The following AP1M2 variants were observed in gnomAD, a reference collection of about 807,000 sequenced individuals.
The protein encoded by AP1M2 is AP-1 complex subunit mu-2.
A neutral mutation model predicts 54.6 loss-of-function variants in AP1M2; 41 were observed. The ratio of observed to expected loss-of-function variants is 0.75; its 90% CI spans 0.59 to 0.97. AP1M2 has a LOEUF of 0.97. AP1M2 is among the 50% of genes least tolerant of loss of function. The pLI, the probability that AP1M2 is intolerant of heterozygous loss-of-function variation, is 0.00. For synonymous variants in AP1M2, 219 were observed against 215.9 expected (o/e 1.01, Z -0.13); for missense variants, 507 against 561.2 (o/e 0.90, Z 0.98).
chr19:10,575,214 C>T (rs146912354), intron 9 of AP1M2, among the ~76,000 whole-genome samples, 185 bp from the exon 10 acceptor site: 252 of 152,058 alleles, frequency 1.7e-3, no homozygotes, highest in Admixed American at 2.9e-3. Flanking sequence ...TAGCTGGGTG[C>T]GGTGGAACAT....
intron 9 of AP1M2, among the ~76,000 whole-genome samples, chr19:10,576,654 C>CTCCCAAAG (rs1463261714): frequency 6.6e-6 from 1 of 151,738 alleles, no homozygotes; most frequent in Non-Finnish European, 1.5e-5. Context: ...CCGCTTCAGC[C>CTCCCAAAG]TCCCAAAGTG....
At chr19:10,573,354 G>C (rs181654340) in intron 11 of AP1M2, among the ~76,000 whole-genome samples, 63 of 152,134 alleles carry the variant, frequency 4.1e-4, no homozygotes, top group Admixed American at 2.3e-3. Context: ...AGGAGGTGGA[G>C]GTTGCAGTGA....
chr19:10,577,299 C>T lies in AP1M2; in HGVS notation c.946G>A (p.Val316Ile), dbSNP rs199565475. The change falls in exon 9 of 12, where the codon GTA becomes ATA. Residue 316 changes from valine (V) to isoleucine (I), a missense_variant. Coordinates refer to ENST00000250244, the MANE Select transcript of AP1M2 (RefSeq NM_005498.5). ...CTGGGGGAGTCGGCATCGCTGGGTA[C>T]AGGCACAGATATCTCCACACCGTTG... ...VANGVEISVP[V>I]PSDADSPRFK... 5.3e-5 allele frequency: 86 copies of T among 1,611,800 alleles called. No individual in the cohort carries two copies. The highest frequency in any genetic ancestry group is 1.6e-4 in the Middle Eastern group (1 of 6,084).
intron 3 of AP1M2, among the ~76,000 whole-genome samples, chr19:10,582,855 T>C (rs1307755951): frequency 6.7e-6 from 1 of 148,372 alleles, no homozygotes; most frequent in African/African-American, 2.5e-5. Flanking sequence ...AGACTAAGTC[T>C]CACAGTGTTG....
Position 10,587,271 on chromosome 19 carries a change from C to A in AP1M2, c.-40G>T. On this transcript the variant is annotated 5_prime_UTR_variant, in exon 1 of 12. Transcript: ENST00000250244. ...GACTTAGGAGTCGGGGAGGGAGCGC[C>A]GGGAGGCGATGGCGGCGCCGCTTCC... 6.4e-7 allele frequency: 1 copy of A among 1,555,454 alleles called. No individual in the cohort carries two copies. Among genetic ancestry groups the A allele is most frequent in the African/African-American group, 1.4e-5 (1 of 73,300 alleles).
chr19:10,583,157 G>A (rs2144767902), intron 3 of AP1M2, among the ~76,000 whole-genome samples: 1 of 151,134 alleles, frequency 6.6e-6, no homozygotes, highest in African/African-American at 2.4e-5. Flanking sequence ...ACAGAGACAA[G>A]AAGTCACTTG....
At chr19:10,582,830 C>CT (rs142077500) in intron 3 of AP1M2, among the ~76,000 whole-genome samples, 36,074 of 144,880 alleles carry the variant, frequency 0.25, 5,393 homozygotes, top group East Asian at 0.65. Flanking sequence ...ATGGTGGCTT[C>CT]TTTTTTTTTT....
chr19:10,583,513 G>C lies in AP1M2; in HGVS notation c.267+93C>G, dbSNP rs913371878. On this transcript the variant is annotated intron_variant, in intron 3 of 11. Transcript: ENST00000250244. ...GGAAGACCCAGGGAGATCTGGGAAG[G>C]CTTCCTATCAGAAAAGGATCTTGAA... The C allele has an allele frequency of 3.2e-5, 32 of 996,018 alleles. 1 individual carries two copies. The highest frequency in any genetic ancestry group is 4.4e-4 in the Middle Eastern group (2 of 4,542). 61.7% of individuals were successfully genotyped at this position (996,018 alleles called of 1,614,324 possible).
chr19:10,574,599 T>A, intron 10 of AP1M2, 107 bp from the exon 11 acceptor site: 1 of 969,836 alleles, frequency 1.0e-6, no homozygotes, highest in Non-Finnish European at 1.5e-6. Flanking sequence ...CAGGCTGGGA[T>A]CGATGAGGGG....
At position 10,573,062 on chromosome 19, in the gene AP1M2, C is replaced by T. The variant is rs374669103; in HGVS notation, c.*4G>A. 8.4e-5 allele frequency: 131 copies of T among 1,563,860 alleles called. No individual in the cohort carries two copies. The highest frequency in any genetic ancestry group is 1.0e-4 in the Non-Finnish European group (119 of 1,154,072). On this transcript the variant is annotated 3_prime_UTR_variant, in exon 12 of 12. Coordinates refer to ENST00000250244, the MANE Select transcript of AP1M2 (RefSeq NM_005498.5). ...CGTGTTCAAGCCCCCATCTCTTCTC[C>T]CTTCTAGCTGGTACGAAGTTGGTAA...
At chr19:10,583,748 T>C in intron 2 of AP1M2, 75 bp from the exon 3 acceptor site, 1 of 1,519,796 alleles carries the variant, frequency 6.6e-7, no homozygotes, top group Non-Finnish European at 9.0e-7. Flanking sequence ...ACCTCCACCC[T>C]GTCCCTTGCC....
In AP1M2 at chr19:10,575,466, A is replaced by C; in HGVS notation, c.1048-437T>G. On this transcript the variant is annotated intron_variant, in intron 9 of 11. Transcript: ENST00000250244. ...ATCATGGGGACAAACCAAAACCTCTAGTAGCCAAGGGATGTGGGTCACCTC... is the reference window on the plus strand; with the variant it reads ...ATCATGGGGACAAACCAAAACCTCTCGTAGCCAAGGGATGTGGGTCACCTC... Among the ~76,000 whole-genome samples the C allele has an allele frequency of 1.3e-5, 2 of 152,090 alleles. 1 individual carries two copies. The highest frequency in any genetic ancestry group is 1.3e-4 in the Admixed American group (2 of 15,264).
In AP1M2 at chr19:10,581,140, C is replaced by A. The variant is rs868802453; in HGVS notation, c.673+126G>T. The A allele has an allele frequency of 1.4e-5, 19 of 1,351,284 alleles. No homozygotes were observed. The South Asian group carries it at 1.8e-4, about 13-fold the overall frequency. The allele number at this position is 1,351,284 out of a possible 1,614,324, so 83.7% of individuals were successfully genotyped here. The stretch of plus-strand genomic sequence containing the variant: ...GTCAGCCAATGGCTGCAATACTGGC[C>A]GTGATCAGCAGATGGTGAGCGAGCG... On this transcript the variant is annotated intron_variant, in intron 6 of 11. Coordinates refer to ENST00000250244, the MANE Select transcript of AP1M2 (RefSeq NM_005498.5).
intron 6 of AP1M2, among the ~76,000 whole-genome samples, chr19:10,580,654 T>A (rs143511807): frequency 6.0e-5 from 9 of 148,878 alleles, no homozygotes; most frequent in South Asian, 4.3e-4. Flanking sequence ...GGAGCGAGAC[T>A]CCATCTTAAA....
chr19:10,583,189 A>G (rs1410440117), intron 3 of AP1M2, among the ~76,000 whole-genome samples: 1 of 151,962 alleles, frequency 6.6e-6, no homozygotes, highest in Admixed American at 6.6e-5. Context: ...ACAGTGAGGA[A>G]GCAGGGAAGC....
At chr19:10,575,769 C>CTTTTTTTTTT (rs71162097) in intron 9 of AP1M2, among the ~76,000 whole-genome samples, 9 of 93,602 alleles carry the variant, frequency 9.6e-5, no homozygotes, top group East Asian at 2.5e-4. Context: ...CTTTTTTTTT[C>CTTTTTTTTTT]TTTTTTTTTT....
intron 10 of AP1M2, 27 bp from the exon 11 acceptor site, chr19:10,574,519 C>A: frequency 6.5e-7 from 1 of 1,539,656 alleles, no homozygotes; most frequent in South Asian, 1.2e-5. Flanking sequence ...AGAGGTGGTC[C>A]AGGATTGCAG....
chr19:10,579,766 T>C lies in AP1M2; in HGVS notation c.766A>G (p.Ile256Val). The change falls in exon 7 of 12, where the codon ATC (isoleucine) becomes GTC (valine). Residue 256 changes from isoleucine to valine, a missense_variant. Physicochemically the swap from Ile to Val is conservative, Grantham distance 29 (BLOSUM62 3). Coordinates refer to ENST00000250244, the MANE Select transcript of AP1M2 (RefSeq NM_005498.5). The part of the protein sequence containing the change: ...RFDNDRTISF[I>V]PPDGDFELMS... Reference sequence around the variant, plus strand: ...AGCTCAAAGTCACCATCAGGCGGGATGAAGGAGATGGTGCGGTCGTTGTCA... The same window carrying C: ...AGCTCAAAGTCACCATCAGGCGGGACGAAGGAGATGGTGCGGTCGTTGTCA... The C allele has an allele frequency of 1.2e-6, 2 of 1,613,830 alleles. No individual in the cohort carries two copies. Among genetic ancestry groups the C allele is most frequent in the African/African-American group, 1.3e-5 (1 of 75,008 alleles).
chr19:10,580,961 A>G (rs1917423550), intron 6 of AP1M2, among the ~76,000 whole-genome samples: 1 of 152,094 alleles, frequency 6.6e-6, no homozygotes, highest in African/African-American at 2.4e-5. Flanking sequence ...TCCCAAAATA[A>G]ATAAATAAAT....
Sources: allele counts gnomAD v4.1 joint callset (sites outside exome capture counted in the v4.1 genomes callset), GRCh38; gene constraint gnomAD v4.1.1; transcripts MANE v1.5; gene names NCBI Gene and HGNC (gene_info 2026-07-23, HGNC 2026-07-21).